Variants in MTUS1 observed in about 807,000 individuals in gnomAD.
MTUS1 encodes the protein microtubule associated scaffold protein 1.
In MTUS1, 109 loss-of-function variants were observed where a neutral mutation model predicts 120.8. That is an observed-to-expected ratio of 0.90 (90% CI 0.77 to 1.06). The LOEUF (loss-of-function observed/expected upper bound fraction) is 1.06, where lower values mean the gene tolerates loss of function less well. Among genes scored for constraint, MTUS1 ranks in the 50% least tolerant of loss-of-function variants. MTUS1 has a pLI of 0.00. For synonymous variants in MTUS1, 737 were observed against 550.5 expected, an observed-to-expected ratio of 1.34 and a Z score of -4.74; for missense variants, 2,210 against 1,486.3, an observed-to-expected ratio of 1.49 and a Z score of -8.01.
Position 17,753,851 on chromosome 8 carries a change from T to C in MTUS1, c.1957A>G (p.Met653Val). The C allele has an allele frequency of 6.2e-7, 1 of 1,614,164 alleles. No homozygotes were observed. Among genetic ancestry groups the C allele is most frequent in the African/African-American group, 1.3e-5 (1 of 75,046 alleles). The change falls in exon 2 of 15, where the codon ATG becomes GTG. Residue 653 changes from methionine (M) to valine (V), a missense_variant. Physicochemically the swap from Met to Val is conservative, Grantham distance 21. Coordinates refer to ENST00000693296, the MANE Select transcript of MTUS1 (RefSeq NM_001363059.2). ...VKMESAECLE[M>V]TYVPNIDRIS... The stretch of plus-strand genomic sequence containing the variant: ...CTATCAATGTTGGGAACATAGGTCA[T>C]TTCCAAACATTCTGCACTTTCCATT...
intron 1 of MTUS1, among the ~76,000 whole-genome samples, chr8:17,773,409 C>A (rs1586320607): frequency 1.3e-5 from 2 of 152,156 alleles, no homozygotes; most frequent in African/African-American, 4.8e-5. Flanking sequence ...GGCTTTCCTA[C>A]ATAAAGGCAA....
intron 8 of MTUS1, among the ~76,000 whole-genome samples, chr8:17,661,653 A>C (rs560246346): frequency 7.3e-5 from 11 of 150,860 alleles, no homozygotes; most frequent in Admixed American, 6.0e-4. Context: ...CCAAAAAAAA[A>C]AAAGGCAGCT....
chr8:17,682,675 T>C (rs1169234555), intron 7 of MTUS1, among the ~76,000 whole-genome samples: 2 of 151,798 alleles, frequency 1.3e-5, no homozygotes, highest in East Asian at 3.9e-4. Flanking sequence ...ATGAGGAGGA[T>C]GAAAGGAGAG....
At chr8:17,738,017 G>A (rs1046040999) in intron 3 of MTUS1, among the ~76,000 whole-genome samples, 1 of 152,170 alleles carries the variant, frequency 6.6e-6, no homozygotes, top group Non-Finnish European at 1.5e-5. Context: ...AAATAACTTA[G>A]CAAGAAAGAA....
rs1808155675 is a variant in MTUS1, at chr8:17,656,059, G to A, written c.2912C>T (p.Ala971Val). The A allele has an allele frequency of 6.2e-7, 1 of 1,613,954 alleles. No individual in the cohort carries two copies. Among genetic ancestry groups the A allele is most frequent in the African/African-American group, 1.3e-5 (1 of 74,890 alleles). ...LVNLRGELVT[A>V]STTCEKLEKA... ...TTCTAATTTCTCACAGGTGGTTGAAGCAGTGACTGAAAACAGAGGAGAAAG... is the reference window on the plus strand; with the variant it reads ...TTCTAATTTCTCACAGGTGGTTGAAACAGTGACTGAAAACAGAGGAGAAAG... Residue 971 changes from alanine to valine, a missense_variant, in exon 9 of 15, where the codon GCT (alanine) becomes GTT (valine). Ala to Val is a moderately conservative substitution (Grantham distance 64). Transcript: ENST00000693296.
intron 1 of MTUS1, among the ~76,000 whole-genome samples, chr8:17,759,204 A>G (rs1303017347): frequency 6.6e-6 from 1 of 152,058 alleles, no homozygotes; most frequent in Admixed American, 6.5e-5. Flanking sequence ...TTAAATAAGT[A>G]TGTAAGAGGA....
At chr8:17,719,606 T>A (rs1823015491) in intron 4 of MTUS1, among the ~76,000 whole-genome samples, 1 of 152,158 alleles carries the variant, frequency 6.6e-6, no homozygotes, top group Non-Finnish European at 1.5e-5. Context: ...CTGTTCCTCA[T>A]CTTAGCCTCA....
At chr8:17,768,239 C>T (rs995720612) in intron 1 of MTUS1, among the ~76,000 whole-genome samples, 4 of 152,168 alleles carry the variant, frequency 2.6e-5, no homozygotes, top group African/African-American at 9.7e-5. Flanking sequence ...TTATAATGTT[C>T]TCTCTTCTCT....
intron 8 of MTUS1, among the ~76,000 whole-genome samples, chr8:17,669,790 AC>A (rs1344758782): frequency 6.6e-6 from 1 of 152,080 alleles, no homozygotes; most frequent in Non-Finnish European, 1.5e-5. Flanking sequence ...GGTTGCAGTG[AC>A]CCAAGATCAT....
intron 8 of MTUS1, among the ~76,000 whole-genome samples, chr8:17,661,477 C>G (rs149802984): frequency 1.3e-5 from 2 of 152,284 alleles, no homozygotes; most frequent in Non-Finnish European, 2.9e-5. Context: ...AGCTTCGAAG[C>G]TGACGTTAAT....
intron 8 of MTUS1, among the ~76,000 whole-genome samples, chr8:17,660,044 G>A (rs1241670093): frequency 6.6e-6 from 1 of 152,148 alleles, no homozygotes; most frequent in Non-Finnish European, 1.5e-5. Context: ...GCTGTGGGAT[G>A]TGTCACAATT....
intron 1 of MTUS1, among the ~76,000 whole-genome samples, chr8:17,760,523 G>C (rs752471029): frequency 3.9e-5 from 6 of 152,054 alleles, no homozygotes; most frequent in African/African-American, 1.2e-4. Context: ...GACAGAAAAG[G>C]GGTGACCGGC....
intron 3 of MTUS1, among the ~76,000 whole-genome samples, chr8:17,733,493 G>A (rs1333710388): frequency 6.6e-6 from 1 of 152,146 alleles, no homozygotes; most frequent in African/African-American, 2.4e-5. Flanking sequence ...TAAGATGACA[G>A]GTGTTTATTT....
Position 17,754,079 on chromosome 8 carries a change from G to A in MTUS1, c.1729C>T (p.Gln577Ter). ...AEILINKTHK[Q>*]QFNKLITSQA... ...CTAGTAATGAGTTTATTAAACTGCT[G>A]CTTATGTGTCTTGTTAATTAGAATT... Residue 577 changes from glutamine to a stop codon, truncating the protein, a stop_gained, in exon 2 of 15, where the codon CAG (glutamine) becomes TAG (stop). Coordinates refer to ENST00000693296, the MANE Select transcript of MTUS1 (RefSeq NM_001363059.2). LOFTEE classifies it high-confidence loss of function. 1 of 1,613,978 alleles carries A rather than the reference G, an allele frequency of 6.2e-7. No homozygotes were observed. The highest frequency in any genetic ancestry group is 8.5e-7 in the Non-Finnish European group (1 of 1,180,004).
intron 2 of MTUS1, 52 bp from the exon 3 acceptor site, chr8:17,743,851 C>A (rs1221926939): frequency 6.6e-7 from 1 of 1,514,790 alleles, no homozygotes; most frequent in South Asian, 1.2e-5. Flanking sequence ...TCTAAGCCCC[C>A]CAACTGACTG....
intron 3 of MTUS1, among the ~76,000 whole-genome samples, chr8:17,739,185 A>C (rs1210903130): frequency 6.6e-6 from 1 of 152,042 alleles, no homozygotes; most frequent in East Asian, 1.9e-4. Context: ...AAAACAAATT[A>C]GACTTTATTA....
intron 13 of MTUS1, 101 bp from the exon 14 acceptor site, chr8:17,647,180 T>A (rs1312436267): frequency 1.2e-6 from 1 of 851,332 alleles, no homozygotes; most frequent in Admixed American, 2.6e-5. Flanking sequence ...GAGATTTAAT[T>A]AAGGAAAATG....
intron 1 of MTUS1, among the ~76,000 whole-genome samples, chr8:17,785,358 G>A (rs1181151850): frequency 6.6e-6 from 1 of 152,196 alleles, no homozygotes; most frequent in Non-Finnish European, 1.5e-5. Context: ...ACTTCCAGAA[G>A]AAGATAAAGC....
chr8:17,676,641 C>T (rs556550573), intron 7 of MTUS1: 70 of 376,968 alleles, frequency 1.9e-4, no homozygotes, highest in Admixed American at 1.5e-3. Flanking sequence ...TAAATATCAG[C>T]TGCAACGGAG....
Sources: gnomAD v4.1 joint callset for allele counts (sites outside exome capture counted in the v4.1 genomes callset) on GRCh38, gnomAD v4.1.1 for gene constraint, MANE v1.5 for transcripts, NCBI Gene and HGNC (gene_info 2026-07-23, HGNC 2026-07-21) for gene names.